SLC24A2: variants seen among roughly 807,000 people sequenced by gnomAD.
SLC24A2 encodes the protein solute carrier family 24 member 2.
Under a neutral mutation model 62.0 loss-of-function variants are expected in SLC24A2, and 36 were observed. The ratio of observed to expected loss-of-function variants is 0.58; its 90% CI spans 0.44 to 0.77. SLC24A2 has a LOEUF of 0.77. Among genes scored for constraint, SLC24A2 ranks in the 30% least tolerant of loss-of-function variants. SLC24A2 has a pLI of 0.00. For synonymous variants in SLC24A2, 358 were observed against 294.0 expected (o/e 1.22, Z -2.23); for missense variants, 846 against 817.9 (o/e 1.03, Z -0.42).
chr9:20,115,087 G>A, the SLC24A2 span, among the ~76,000 whole-genome samples: 1 of 152,222 alleles, frequency 6.6e-6, no homozygotes, highest in South Asian at 2.1e-4. Flanking sequence ...GGAAATTAAT[G>A]GGCCCAAAGA....
chr9:19,532,000 C>T (rs1472010913), intron 8 of SLC24A2, among the ~76,000 whole-genome samples: 1 of 152,078 alleles, frequency 6.6e-6, no homozygotes, highest in African/African-American at 2.4e-5. Context: ...CTGAGGATAC[C>T]AAAATCTGCA....
chr9:20,138,855 A>G, the SLC24A2 span, among the ~76,000 whole-genome samples: 1 of 152,232 alleles, frequency 6.6e-6, no homozygotes, highest in South Asian at 2.1e-4. Context: ...TCCAACCTCA[A>G]GAAGTCATTT....
At chr9:19,958,823 T>C in the SLC24A2 span, among the ~76,000 whole-genome samples, 8 of 152,346 alleles carry the variant, frequency 5.3e-5, no homozygotes, top group South Asian at 1.7e-3. Context: ...ATGCAAAAAT[T>C]ACTGTTTGTG....
At chr9:20,103,168 C>G in the SLC24A2 span, among the ~76,000 whole-genome samples, 363 of 152,328 alleles carry the variant, frequency 2.4e-3, 17 homozygotes, top group South Asian at 0.069. Context: ...ATTGCCCAGG[C>G]TTGCTTAGGT....
the SLC24A2 span, among the ~76,000 whole-genome samples, chr9:19,821,800 T>C: frequency 1.3e-5 from 2 of 152,272 alleles, no homozygotes; most frequent in East Asian, 1.9e-4. Context: ...TGTGTTGAAA[T>C]AGGAAGTATC....
At chr9:19,760,697 C>G (rs1334090002) in intron 2 of SLC24A2, among the ~76,000 whole-genome samples, 1 of 151,972 alleles carries the variant, frequency 6.6e-6, no homozygotes, top group African/African-American at 2.4e-5. Flanking sequence ...GACATTAAGT[C>G]AGTCTTTTTT....
At chr9:20,195,195 G>T in the SLC24A2 span, among the ~76,000 whole-genome samples, 1 of 151,976 alleles carries the variant, frequency 6.6e-6, no homozygotes, top group African/African-American at 2.4e-5. Context: ...TATTTGCATT[G>T]TTTCCAGTTA....
chr9:20,234,507 A>C, the SLC24A2 span, among the ~76,000 whole-genome samples: 4 of 152,130 alleles, frequency 2.6e-5, no homozygotes, highest in South Asian at 8.3e-4. Context: ...CCTTTCTTCC[A>C]GTTGATCGCA....
At chr9:19,917,380 G>A in the SLC24A2 span, among the ~76,000 whole-genome samples, 1 of 141,630 alleles carries the variant, frequency 7.1e-6, no homozygotes, top group Non-Finnish European at 1.5e-5. Context: ...CATTTAGTCT[G>A]CACTTTTGCC....
At chr9:19,564,304 A>G (rs1041783463) in intron 7 of SLC24A2, among the ~76,000 whole-genome samples, 1 of 152,216 alleles carries the variant, frequency 6.6e-6, no homozygotes, top group Non-Finnish European at 1.5e-5. Flanking sequence ...TTAGTGACAT[A>G]AAACTCAAAC....
chr9:19,729,884 CA>C (rs1230481403), intron 2 of SLC24A2, among the ~76,000 whole-genome samples: 5 of 151,860 alleles, frequency 3.3e-5, no homozygotes, highest in African/African-American at 9.7e-5. Flanking sequence ...ATTACCAACA[CA>C]AAAAAATAAT....
At chr9:19,965,405 C>G in the SLC24A2 span, among the ~76,000 whole-genome samples, 1 of 152,156 alleles carries the variant, frequency 6.6e-6, no homozygotes, top group Non-Finnish European at 1.5e-5. Flanking sequence ...GAGTGGGGAT[C>G]AGAGAACCAA....
chr9:20,086,826 G>A, the SLC24A2 span, among the ~76,000 whole-genome samples: 1 of 152,166 alleles, frequency 6.6e-6, no homozygotes, highest in African/African-American at 2.4e-5. Context: ...AGAGCATCTG[G>A]AACAGCTGAA....
At chr9:19,917,432 A>C in the SLC24A2 span, among the ~76,000 whole-genome samples, 44 of 151,278 alleles carry the variant, frequency 2.9e-4, no homozygotes, top group African/African-American at 1.1e-3. Context: ...TTTTTGAAAA[A>C]TCTCACTGAG....
intron 4 of SLC24A2, among the ~76,000 whole-genome samples, chr9:19,604,768 T>C (rs926111854): frequency 1.3e-5 from 2 of 152,190 alleles, no homozygotes; most frequent in South Asian, 4.1e-4. Flanking sequence ...ATAAAATTAA[T>C]GCCACTGATG....
At chr9:19,669,269 C>T (rs905472981) in intron 2 of SLC24A2, among the ~76,000 whole-genome samples, 2 of 151,990 alleles carry the variant, frequency 1.3e-5, no homozygotes, top group Non-Finnish European at 2.9e-5. Flanking sequence ...CCTTGTGGTG[C>T]AGGAGGAAAT....
chr9:19,679,838 C>CTGTGTGTGTGTGTG (rs58253967), intron 2 of SLC24A2, among the ~76,000 whole-genome samples: 21 of 142,378 alleles, frequency 1.5e-4, no homozygotes, highest in South Asian at 2.3e-4. Flanking sequence ...CTCACATATA[C>CTGTGTGTGTGTGTG]TGTGTGTGTG....
At chr9:19,693,674 C>G (rs912584549) in intron 2 of SLC24A2, among the ~76,000 whole-genome samples, 2 of 152,112 alleles carry the variant, frequency 1.3e-5, no homozygotes, top group African/African-American at 4.8e-5. Flanking sequence ...TTCCCTGTCC[C>G]TCCTAAAAGG....
chr9:20,158,660 A>G, the SLC24A2 span, among the ~76,000 whole-genome samples: 14 of 151,820 alleles, frequency 9.2e-5, no homozygotes, highest in East Asian at 7.8e-4. Context: ...CATATTGAAA[A>G]AAGGTAGGGA....
Sources: gnomAD v4.1 joint callset for allele counts (sites outside exome capture counted in the v4.1 genomes callset) on GRCh38, gnomAD v4.1.1 for gene constraint, MANE v1.5 for transcripts, NCBI Gene and HGNC (gene_info 2026-07-23, HGNC 2026-07-21) for gene names.